The following RP2 variants were observed in gnomAD, a reference collection of about 807,000 sequenced individuals.
RP2 encodes the protein RP2 activator of ARL3 GTPase.
RP2 carries 3 observed loss-of-function variants against 20.3 expected under a neutral mutation model. That is an observed-to-expected ratio of 0.15 (90% confidence interval 0.07 to 0.38). The LOEUF is 0.38. Among genes scored for constraint, RP2 ranks in the 10% least tolerant of loss-of-function variants. The probability of loss-of-function intolerance (pLI) is 1.00; values close to 1 mark genes in which losing one functional copy is unlikely to be tolerated. For synonymous variants in RP2, 75 were observed against 94.8 expected (o/e 0.79, Z 1.22); for missense variants, 233 against 268.5 (o/e 0.87, Z 0.92).
At position 46,882,202 on chromosome X, in the gene RP2, A is replaced by AAGTT. The variant is rs1925482516; in HGVS notation, c.*2435_*2438dup. On this transcript the variant is annotated 3_prime_UTR_variant, in exon 5 of 5. Transcript: ENST00000218340. The stretch of plus-strand genomic sequence containing the variant: ...ACAATGAAAAATTGGTAATTTTATT[A>AAGTT]AGTTATATGTGTTTAAATATTATAT... The AAGTT allele has an allele frequency of 8.9e-6, 1 of 112,567 alleles. No individual in the cohort carries two copies. The highest frequency in any genetic ancestry group is 3.6e-4 in the South Asian group (1 of 2,783). 9.3% of individuals were successfully genotyped at this position (112,567 alleles called of 1,213,427 possible). A position where few individuals can be genotyped will look rare whatever the true frequency, so the allele number is the denominator to read the frequency against.
chrX:46,838,465 C>T lies in RP2; in HGVS notation c.102+1263C>T, dbSNP rs980655293. 4.4e-5 allele frequency among the ~76,000 whole-genome samples: 5 copies of T among 112,520 alleles called. No individual in the cohort carries two copies. In the East Asian group the frequency reaches 1.1e-3, roughly 25 times the overall value. ...CTGCCATTTAAAGTTATCTGATGGG[C>T]GGTTTTTAAAAGATATTGTTTTCCT... On this transcript the variant is annotated intron_variant, in intron 1 of 4. Transcript: ENST00000218340.
intron 1 of RP2, among the ~76,000 whole-genome samples, chrX:46,850,293 C>T (rs889932141): frequency 4.5e-5 from 5 of 111,823 alleles, no homozygotes; most frequent in Non-Finnish European, 1.9e-5. Flanking sequence ...TCTGTTTCCT[C>T]AGTATTTCTC....
chrX:46,848,337 C>T (rs1924794060), intron 1 of RP2, among the ~76,000 whole-genome samples: 1 of 107,810 alleles, frequency 9.3e-6, no homozygotes, highest in African/African-American at 3.4e-5. Context: ...AGCTGTAGGA[C>T]ATTAAATTGA....
At chrX:46,864,069 T>C (rs1168603652) in intron 3 of RP2, among the ~76,000 whole-genome samples, 1 of 111,161 alleles carries the variant, frequency 9.0e-6, no homozygotes, top group Non-Finnish European at 1.9e-5. Flanking sequence ...TCCAGCACTT[T>C]GGGAGGCTGA....
rs188034669 is a variant in RP2 at position 46,844,379 on chromosome X, C to G, written c.102+7177C>G. Reference sequence around the variant, plus strand: ...GTGTGTGATGTTCCCCTTCCTGTGTCCAAGTGTTCTCATTGTTCAATTCCC... The same window carrying G: ...GTGTGTGATGTTCCCCTTCCTGTGTGCAAGTGTTCTCATTGTTCAATTCCC... On this transcript the variant is annotated intron_variant, in intron 1 of 4. Transcript: ENST00000218340. Among the ~76,000 whole-genome samples, 16 of 98,849 alleles carry G rather than the reference C, an allele frequency of 1.6e-4. 1 individual carries two copies. The highest frequency in any genetic ancestry group is 5.6e-4 in the African/African-American group (15 of 26,872). The allele number at this position is 98,849 out of a possible 115,157, so 85.8% of individuals were successfully genotyped here.
intron 3 of RP2, among the ~76,000 whole-genome samples, chrX:46,864,371 G>A (rs1556321558): frequency 1.0e-5 from 1 of 99,072 alleles, no homozygotes; most frequent in African/African-American, 3.9e-5. Context: ...TTTTGAGACA[G>A]GGTCTCACTG....
chrX:46,865,782 G>C (rs1489899403), intron 3 of RP2, among the ~76,000 whole-genome samples: 1 of 111,043 alleles, frequency 9.0e-6, no homozygotes, highest in African/African-American at 3.3e-5. Context: ...ACATAAATTA[G>C]CTGGATGTGG....
At chrX:46,842,446 T>C (rs549040103) in intron 1 of RP2, among the ~76,000 whole-genome samples, 13 of 112,332 alleles carry the variant, frequency 1.2e-4, no homozygotes, top group South Asian at 7.3e-4. Context: ...AAATATCACA[T>C]GTACCCCATA....
In RP2 at chrX:46,860,664, G is replaced by A. The variant is rs946914331; in HGVS notation, c.883+562G>A. On this transcript the variant is annotated intron_variant, in intron 3 of 4. Coordinates refer to ENST00000218340, the MANE Select transcript of RP2 (RefSeq NM_006915.3). ...CTTGAGTATGTGTGCCCACTTGAAG[G>A]GTTACTGTCTGCCTACCTGTATTTG... is the stretch of plus-strand genomic sequence containing the variant. Among the ~76,000 whole-genome samples the A allele has an allele frequency of 2.7e-5, 3 of 111,646 alleles. No homozygotes were observed. In the East Asian group the frequency reaches 8.3e-4, roughly 31 times the overall value.
chrX:46,856,056 CT>C (rs1556319169), intron 2 of RP2, among the ~76,000 whole-genome samples: 1 of 111,524 alleles, frequency 9.0e-6, no homozygotes. Context: ...GAAAAATGTG[CT>C]TCTGGCTTTT....
chrX:46,846,485 G>T (rs1924716620), intron 1 of RP2, among the ~76,000 whole-genome samples: 2 of 110,173 alleles, frequency 1.8e-5, no homozygotes, highest in African/African-American at 3.3e-5. Context: ...TACTTGGGAG[G>T]CTGAGACAGG....
In RP2 at chrX:46,854,041, T is replaced by C. The variant is rs781792974; in HGVS notation, c.668T>C (p.Ile223Thr). The C allele has an allele frequency of 8.3e-7, 1 of 1,211,533 alleles. No individual in the cohort carries two copies. Among genetic ancestry groups the C allele is most frequent in the South Asian group, 1.8e-5 (1 of 56,989 alleles). Residue 223 changes from isoleucine to threonine, a missense_variant, in exon 2 of 5, where the codon ATA (isoleucine) becomes ACA (threonine). Ile to Thr is a moderately conservative substitution (Grantham distance 89). This residue lies in a region of RP2 where 118 missense variants were observed against 123.8 expected (regional missense o/e 0.95). Coordinates refer to ENST00000218340, the MANE Select transcript of RP2 (RefSeq NM_006915.3). Reference protein sequence around the residue: ...STEANRSIVPISRGQRQKSSD... With the variant: ...STEANRSIVPTSRGQRQKSSD... ...GAAGCCAATAGAAGCATTGTTCCAA[T>C]ATCCCGGGGTCAGAGACAGAAGAGC...
At position 46,862,529 on chromosome X, in the gene RP2, G is replaced by C. The variant is rs782122575; in HGVS notation, c.883+2427G>C. On this transcript the variant is annotated intron_variant, in intron 3 of 4. Transcript: ENST00000218340. ...CAAAAAATTAGCCGGGCGTGGTGGC[G>C]GGCGCCTGTAGTCCCAGCTACTCAG... is the stretch of plus-strand genomic sequence containing the variant. Among the ~76,000 whole-genome samples the C allele has an allele frequency of 1.1e-3, 120 of 110,196 alleles. 1 individual carries two copies. Among genetic ancestry groups the C allele is most frequent in the African/African-American group, 3.7e-3 (113 of 30,289 alleles).
At chrX:46,863,840 T>G (rs931340077) in intron 3 of RP2, among the ~76,000 whole-genome samples, 6 of 111,898 alleles carry the variant, frequency 5.4e-5, no homozygotes, top group African/African-American at 1.9e-4. Context: ...AATTCACATG[T>G]ATCTTAAATA....
chrX:46,865,797 G>C (rs1307086378), intron 3 of RP2, among the ~76,000 whole-genome samples: 5 of 110,344 alleles, frequency 4.5e-5, no homozygotes, highest in African/African-American at 1.6e-4. Flanking sequence ...ATGTGGTGGC[G>C]CATGCCTGTA....
At chrX:46,859,462 C>T (rs1925026390) in intron 2 of RP2, among the ~76,000 whole-genome samples, 1 of 100,763 alleles carries the variant, frequency 9.9e-6, no homozygotes, top group South Asian at 4.5e-4. Context: ...ACATTCCAGC[C>T]AGGGCAACAG....
chrX:46,853,482 C>G lies in RP2; in HGVS notation c.109C>G (p.Pro37Ala). Residue 37 changes from proline (P) to alanine (A), a missense_variant, in exon 2 of 5, where the codon CCA (proline) becomes GCA (alanine). By Grantham distance (27) the Pro-to-Ala change is conservative (BLOSUM62 -1). Coordinates refer to ENST00000218340, the MANE Select transcript of RP2 (RefSeq NM_006915.3). The part of the protein sequence containing the change: ...YSWDQREKVD[P>A]KDYMFSGLKD... ...CTGTGTTTTGTTCCTGCAGGTTGAT[C>G]CAAAAGACTACATGTTCAGTGGACT... 8.3e-7 allele frequency: 1 copy of G among 1,208,699 alleles called. No individual in the cohort carries two copies.
At chrX:46,874,983 G>A (rs1329180700) in intron 3 of RP2, among the ~76,000 whole-genome samples, 2 of 111,582 alleles carry the variant, frequency 1.8e-5, no homozygotes, top group Non-Finnish European at 3.8e-5. Flanking sequence ...TTGCAGACTA[G>A]AAGTTAGATC....
At chrX:46,838,083 T>C (rs1924547756) in intron 1 of RP2, among the ~76,000 whole-genome samples, 1 of 112,424 alleles carries the variant, frequency 8.9e-6, no homozygotes, top group African/African-American at 3.2e-5. Flanking sequence ...CCAAACAAAA[T>C]GAGAGATTTT....
Sources: gnomAD v4.1 joint callset for allele counts (sites outside exome capture counted in the v4.1 genomes callset) on GRCh38, gnomAD v4.1.1 for gene constraint, gnomAD v4.1.1 regional missense constraint, MANE v1.5 for transcripts, NCBI Gene and HGNC (gene_info 2026-07-23, HGNC 2026-07-21) for gene names.